The following KLF12 variants were observed in gnomAD, a reference collection of about 807,000 sequenced individuals.
KLF12 encodes the protein Krueppel-like factor 12.
KLF12 carries 9 observed loss-of-function variants against 37.8 expected under a neutral mutation model. The ratio of observed to expected loss-of-function variants is 0.24; its 90% CI spans 0.14 to 0.42. The LOEUF (loss-of-function observed/expected upper bound fraction) is 0.42. Among genes scored for constraint, KLF12 ranks in the 10% least tolerant of loss-of-function variants. KLF12 has a pLI of 1.00. For synonymous variants in KLF12, 208 were observed against 202.1 expected, an observed-to-expected ratio of 1.03 and a Z score of -0.25; for missense variants, 411 against 516.0, an observed-to-expected ratio of 0.80 and a Z score of 1.97.
chr13:73,810,431 T>A (rs1882864530), intron 5 of KLF12, among the ~76,000 whole-genome samples: 1 of 152,118 alleles, frequency 6.6e-6, no homozygotes, highest in South Asian at 2.1e-4. Context: ...GTAAGCATAC[T>A]TTTTTTATTT....
intron 6 of KLF12, among the ~76,000 whole-genome samples, chr13:73,735,637 TGATCTACTTG>T (rs1339406758): frequency 3.9e-5 from 6 of 152,168 alleles, no homozygotes; most frequent in African/African-American, 1.4e-4. Context: ...AAGGGTAAAG[TGATCTACTTG>T]GAATTCACAG....
chr13:74,074,698 T>G (rs779914489), intron 1 of KLF12, among the ~76,000 whole-genome samples: 1 of 152,138 alleles, frequency 6.6e-6, no homozygotes, highest in Non-Finnish European at 1.5e-5. Context: ...ACTCATGTCA[T>G]GGGGGTTTGT....
chr13:74,145,585 A>G, the KLF12 span, among the ~76,000 whole-genome samples: 1 of 152,088 alleles, frequency 6.6e-6, no homozygotes, highest in Non-Finnish European at 1.5e-5. Flanking sequence ...ATGCACATCT[A>G]CTTTTGGGAT....
the KLF12 span, among the ~76,000 whole-genome samples, chr13:74,188,848 T>C: frequency 6.6e-6 from 1 of 151,842 alleles, no homozygotes; most frequent in Admixed American, 6.6e-5. Flanking sequence ...ATGCAAAAAA[T>C]TAGCTGGGCG....
At chr13:74,100,768 T>TC (rs1439087557) in intron 1 of KLF12, among the ~76,000 whole-genome samples, 2 of 152,142 alleles carry the variant, frequency 1.3e-5, no homozygotes, top group African/African-American at 4.8e-5. Context: ...TAAATGATAC[T>TC]CCAAAGTATA....
the KLF12 span, among the ~76,000 whole-genome samples, chr13:74,264,569 C>A: frequency 6.6e-6 from 1 of 152,146 alleles, no homozygotes; most frequent in East Asian, 1.9e-4. Context: ...CTTCCTTAGC[C>A]AGTTGGTGCA....
chr13:74,136,664 G>C (rs1258286545), upstream of KLF12, among the ~76,000 whole-genome samples: 1 of 152,160 alleles, frequency 6.6e-6, no homozygotes, highest in Non-Finnish European at 1.5e-5. Flanking sequence ...TAAGCCACGG[G>C]CTTGTTAGGA....
intron 5 of KLF12, among the ~76,000 whole-genome samples, chr13:73,809,626 T>C (rs1360184502): frequency 1.3e-5 from 2 of 152,100 alleles, no homozygotes; most frequent in African/African-American, 2.4e-5. Context: ...TATACTTATT[T>C]CAGAATAAAA....
chr13:74,099,638 G>T (rs1369203412), intron 1 of KLF12, among the ~76,000 whole-genome samples: 1 of 152,078 alleles, frequency 6.6e-6, no homozygotes, highest in Non-Finnish European at 1.5e-5. Flanking sequence ...CCTAGGCATG[G>T]GAAGAAAACC....
At chr13:74,058,036 G>A (rs547341411) in intron 1 of KLF12, among the ~76,000 whole-genome samples, 47 of 150,188 alleles carry the variant, frequency 3.1e-4, no homozygotes, top group African/African-American at 1.1e-3. Context: ...GCATGATCTC[G>A]GCTCACTGCA....
At chr13:74,158,141 A>G in the KLF12 span, among the ~76,000 whole-genome samples, 3 of 152,206 alleles carry the variant, frequency 2.0e-5, no homozygotes, top group Admixed American at 6.5e-5. Flanking sequence ...CAAGGGAGGC[A>G]TGTTCAGGGC....
intron 1 of KLF12, among the ~76,000 whole-genome samples, chr13:73,997,373 T>C (rs563698903): frequency 1.3e-5 from 2 of 152,300 alleles, no homozygotes; most frequent in East Asian, 3.9e-4. Flanking sequence ...CTACTCTAAT[T>C]GCAGTAATGT....
chr13:74,001,362 A>G (rs1199773501), intron 1 of KLF12, among the ~76,000 whole-genome samples: 1 of 152,234 alleles, frequency 6.6e-6, no homozygotes, highest in Non-Finnish European at 1.5e-5. Context: ...AGCAACTGAA[A>G]ATAAAATCAA....
Position 73,846,011 on chromosome 13 carries a change from G to A in KLF12, c.486C>T (p.His162=), listed in dbSNP as rs759510583. ...TTGAAGGCGGTACGGGATGGATAAT[G>A]TGCAAAAACTGCTGGCCTCCAACAC... The change falls in exon 4 of 8, where the codon CAC becomes CAT. Residue 162 remains histidine, a synonymous_variant. Coordinates refer to ENST00000377669, the MANE Select transcript of KLF12 (RefSeq NM_007249.5). 3 of 1,614,016 alleles carry A rather than the reference G, an allele frequency of 1.9e-6. No individual in the cohort carries two copies.
intron 4 of KLF12, among the ~76,000 whole-genome samples, chr13:73,821,471 A>G (rs1187637470): frequency 6.6e-6 from 1 of 152,194 alleles, no homozygotes; most frequent in Non-Finnish European, 1.5e-5. Context: ...CCCACGTTCC[A>G]AACTTTGATT....
chr13:74,012,979 G>T (rs1892588667), intron 1 of KLF12, among the ~76,000 whole-genome samples: 1 of 152,200 alleles, frequency 6.6e-6, no homozygotes, highest in Non-Finnish European at 1.5e-5. Context: ...GGAAACATAA[G>T]CAGCTAATTC....
At chr13:74,028,149 C>T (rs998041859) in intron 1 of KLF12, among the ~76,000 whole-genome samples, 2 of 152,206 alleles carry the variant, frequency 1.3e-5, no homozygotes, top group Non-Finnish European at 2.9e-5. Context: ...GTCAAAAGCA[C>T]GTTGATAGTC....
the KLF12 span, among the ~76,000 whole-genome samples, chr13:74,212,971 T>C: frequency 6.6e-6 from 1 of 152,152 alleles, no homozygotes; most frequent in African/African-American, 2.4e-5. Flanking sequence ...GAAAGTTTCT[T>C]AGAATGAATG....
At chr13:73,797,097 G>A (rs1882017208) in intron 5 of KLF12, among the ~76,000 whole-genome samples, 1 of 152,138 alleles carries the variant, frequency 6.6e-6, no homozygotes, top group Admixed American at 6.6e-5. Flanking sequence ...GTATACAATT[G>A]TTAAATTCTT....
Sources: gnomAD v4.1 joint callset for allele counts (sites outside exome capture counted in the v4.1 genomes callset) on GRCh38, gnomAD v4.1.1 for gene constraint, MANE v1.5 for transcripts, NCBI Gene and HGNC (gene_info 2026-07-23, HGNC 2026-07-21) for gene names.